PCK1: variants seen among roughly 807,000 people sequenced by gnomAD.
PCK1 encodes phosphoenolpyruvate carboxykinase 1, also known as phosphoenolpyruvate carboxykinase, cytosolic [GTP].
In PCK1, 44 loss-of-function variants were observed where a neutral mutation model predicts 50.3. The observed-to-expected ratio is 0.87, with a 90% CI of 0.69 to 1.12. The LOEUF (loss-of-function observed/expected upper bound fraction) is 1.12. Ranked by LOEUF, PCK1 falls within the 50% of genes most tolerant of loss-of-function variation. PCK1 has a pLI of 0.00. For missense variants in PCK1, 790 were observed against 815.0 expected (o/e 0.97, Z 0.37); for synonymous variants, 332 against 314.3 (o/e 1.06, Z -0.59).
rs2070159697 is a variant in PCK1 at position 57,562,765 on chromosome 20, A to C, written c.476A>C (p.Glu159Ala). 1 of 1,614,080 alleles carries C rather than the reference A, an allele frequency of 6.2e-7. No homozygotes were observed. The highest frequency in any genetic ancestry group is 1.3e-5 in the African/African-American group (1 of 75,050). The change falls in exon 4 of 10, where the codon GAG (glutamate) becomes GCG (alanine). Residue 159 changes from glutamate to alanine, a missense_variant. By Grantham distance (107) the Glu-to-Ala change is moderately radical. Transcript: ENST00000319441. ...TCGCCTCTGTCAAAGATCGGCATCG[A>C]GCTGACGGATTCACCCTACGTGGTG... Reference protein sequence around the residue: ...LGSPLSKIGIELTDSPYVVAS... With the variant: ...LGSPLSKIGIALTDSPYVVAS...
rs1449706154 is a variant in PCK1, at chr20:57,563,283, C to T, written c.798+68C>T. On this transcript the variant is annotated intron_variant, in intron 5 of 9. Coordinates refer to ENST00000319441, the MANE Select transcript of PCK1 (RefSeq NM_002591.4). ...GGGGTGGCAGAAACAAACAGCATTA[C>T]AGTTCCCACCCGTCAGCACACCTCT... 7.1e-6 allele frequency: 10 copies of T among 1,411,964 alleles called. No individual in the cohort carries two copies. The Admixed American group carries it at 1.7e-4, about 24-fold the overall frequency. 87.5% of individuals were successfully genotyped at this position (1,411,964 alleles called of 1,614,324 possible).
chr20:57,562,452 T>C, intron 3 of PCK1, 200 bp downstream of exon 3: 2 of 630,160 alleles, frequency 3.2e-6, no homozygotes, highest in Non-Finnish European at 5.5e-6. Context: ...ACGTGAAAAC[T>C]AGTTCCATGC....
rs17847706 is a variant in PCK1, at chr20:57,565,896, C to T, written c.*92C>T. On this transcript the variant is annotated 3_prime_UTR_variant, in exon 10 of 10. Transcript: ENST00000319441. ...GAGAGGGCAAGTGTTCCCAAATTGA[C>T]GCCACCATAATAATCATCACCACAC... 1.8e-4 allele frequency: 163 copies of T among 900,542 alleles called. 1 individual carries two copies. The East Asian group carries it at 4.0e-3, about 22-fold the overall frequency. 55.8% of individuals were successfully genotyped at this position (900,542 alleles called of 1,614,324 possible). A position where few individuals can be genotyped will look rare whatever the true frequency, so the allele number is the denominator to read the frequency against.
rs2146528280 is a variant in PCK1 at position 57,563,157 on chromosome 20, C to T, written c.740C>T (p.Ala247Val). 6.2e-7 allele frequency: 1 copy of T among 1,613,854 alleles called. No homozygotes were observed. Among genetic ancestry groups the T allele is most frequent in the Non-Finnish European group, 8.5e-7 (1 of 1,180,038 alleles). The change falls in exon 5 of 10, where the codon GCT becomes GTT. Residue 247 changes from alanine (A) to valine (V), a missense_variant. Transcript: ENST00000319441. Reference sequence around the variant, plus strand: ...TCGCTGCTCGGGAAGAAGTGCTTTGCTCTCAGGATGGCCAGCCGGCTGGCC... The same window carrying T: ...TCGCTGCTCGGGAAGAAGTGCTTTGTTCTCAGGATGGCCAGCCGGCTGGCC... ...GNSLLGKKCF[A>V]LRMASRLAKE...
chr20:57,561,613 CG>C lies in PCK1; in HGVS notation c.204del (p.Leu69Ter). On this transcript the variant is annotated frameshift_variant, in exon 2 of 10. Transcript: ENST00000319441. LOFTEE classifies it high-confidence loss of function. Reference protein sequence around the residue: ...GQMEEEGILRRLKKYDNCWLA... With the variant: ...GQMEEEGILRXLKKYDNCWLA... The stretch of plus-strand genomic sequence containing the variant: ...GATGGAGGAAGAGGGCATCCTCAGG[CG>C]GCTGAAGAAGTATGACAACTGGTAA... The C allele has an allele frequency of 6.2e-7, 1 of 1,612,268 alleles. No individual in the cohort carries two copies. The highest frequency in any genetic ancestry group is 2.2e-5 in the East Asian group (1 of 44,886).
In PCK1 at chr20:57,565,093, G is replaced by A. The variant is rs372883844; in HGVS notation, c.1372G>A (p.Ala458Thr). ...LSWQHGVFVGAAMRSEATAAA... is the reference protein window; with the variant it reads ...LSWQHGVFVGTAMRSEATAAA... ...CTGGCAACATGGAGTCTTTGTGGGG[G>A]CGGCCATGAGATCAGAGGCCACAGC... The change falls in exon 9 of 10, where the codon GCG (alanine) becomes ACG (threonine). Residue 458 changes from alanine to threonine, a missense_variant. Ala to Thr is a moderately conservative substitution (Grantham distance 58, BLOSUM62 0). Transcript: ENST00000319441. 1.2e-6 allele frequency: 2 copies of A among 1,614,018 alleles called. No individual in the cohort carries two copies. The highest frequency in any genetic ancestry group is 2.2e-5 in the East Asian group (1 of 44,870).
rs143952631 is a variant in PCK1 at position 57,564,545 on chromosome 20, A to T, written c.1250A>T (p.Asp417Val). Residue 417 changes from aspartate to valine, a missense_variant, in exon 8 of 10, where the codon GAT (aspartate) becomes GTT (valine). Transcript: ENST00000319441. ...CCTGCCAGCCAGTGCCCCATCATTGATGCTGCCTGGGAGTCTCCGGAAGGT... is the reference window on the plus strand; with the variant it reads ...CCTGCCAGCCAGTGCCCCATCATTGTTGCTGCCTGGGAGTCTCCGGAAGGT... ...CTPASQCPIIDAAWESPEGVP... is the reference protein window; with the variant it reads ...CTPASQCPIIVAAWESPEGVP... 3.0e-5 allele frequency: 48 copies of T among 1,613,870 alleles called. No individual in the cohort carries two copies. Among genetic ancestry groups the T allele is most frequent in the Non-Finnish European group, 4.1e-5 (48 of 1,179,868 alleles).
At chr20:57,564,969 A>G (rs2070189119) in intron 8 of PCK1, 71 bp from the exon 9 acceptor site, 1 of 1,110,362 alleles carries the variant, frequency 9.0e-7, no homozygotes, top group African/African-American at 1.6e-5. Context: ...TGTTGTGAAT[A>G]ACACCACTGG....
Position 57,566,025 on chromosome 20 carries a change from C to A in PCK1, c.*221C>A. The A allele has an allele frequency of 4.1e-6, 2 of 490,620 alleles. No homozygotes were observed. Among genetic ancestry groups the A allele is most frequent in the Non-Finnish European group, 7.2e-6 (2 of 279,430 alleles). The allele number at this position is 490,620 out of a possible 1,614,324, so 30.4% of individuals were successfully genotyped here. A position where few individuals can be genotyped will look rare whatever the true frequency, so the allele number is the denominator to read the frequency against. On this transcript the variant is annotated 3_prime_UTR_variant, in exon 10 of 10. Coordinates refer to ENST00000319441, the MANE Select transcript of PCK1 (RefSeq NM_002591.4). Reference sequence around the variant, plus strand: ...TGAGAAGGGAAATCTTAGCATGCCTCCAAAAATTCACATCCAATGCATAGT... The same window carrying A: ...TGAGAAGGGAAATCTTAGCATGCCTACAAAAATTCACATCCAATGCATAGT...
At chr20:57,564,644 A>C (rs774480123) in intron 8 of PCK1, 31 bp downstream of exon 8, 1 of 1,553,332 alleles carries the variant, frequency 6.4e-7, no homozygotes, top group Admixed American at 1.9e-5. Context: ...GGCTGGGAAC[A>C]TGGGTGTGCT....
Position 57,565,741 on chromosome 20 carries a change from C to G in PCK1, c.1806C>G (p.Ala602=). ...AGTATCTGGAGGATCAAGTCAATGC[C>G]GACCTCCCCTGTGAAATCGAGAGAG... ...IEKYLEDQVN[A]DLPCEIEREI... The change falls in exon 10 of 10, where the codon GCC becomes GCG. Residue 602 remains alanine, a synonymous_variant. Transcript: ENST00000319441. The G allele has an allele frequency of 6.2e-7, 1 of 1,613,600 alleles. No homozygotes were observed. Among genetic ancestry groups the G allele is most frequent in the Non-Finnish European group, 8.5e-7 (1 of 1,179,970 alleles).
chr20:57,561,680 G>C (rs1383265296), intron 2 of PCK1, 45 bp downstream of exon 2: 2 of 1,326,344 alleles, frequency 1.5e-6, no homozygotes, highest in Non-Finnish European at 2.2e-6. Flanking sequence ...TGCAGGCAGG[G>C]CTCCCCTGCG....
intron 1 of PCK1, 84 bp downstream of exon 1, chr20:57,561,287 G>C: frequency 1.5e-6 from 1 of 666,668 alleles, no homozygotes; most frequent in African/African-American, 1.8e-5. Context: ...ATTTGGCAAT[G>C]CACAGCCCTG....
rs771109066 is a variant in PCK1, at chr20:57,565,645, G to A, written c.1710G>A (p.Gly570=). Residue 570 remains glycine (G), a synonymous_variant, in exon 10 of 10, where the codon GGG becomes GGA. Transcript: ENST00000319441. ...KEDALNLKGL[G]HINMMELFSI... The stretch of plus-strand genomic sequence containing the variant: ...ATGCCCTGAACCTGAAAGGCCTGGG[G>A]CACATCAACATGATGGAGCTTTTCA... The A allele has an allele frequency of 1.9e-6, 3 of 1,614,002 alleles. No homozygotes were observed. The highest frequency in any genetic ancestry group is 1.7e-5 in the Admixed American group (1 of 60,014).
rs914641027 is a variant in PCK1 at position 57,565,922 on chromosome 20, C to T, written c.*118C>T. Reference sequence around the variant, plus strand: ...GCCACCATAATAATCATCACCACACCGTGAGCAGATCTGAAAGGCACACTT... The same window carrying T: ...GCCACCATAATAATCATCACCACACTGTGAGCAGATCTGAAAGGCACACTT... On this transcript the variant is annotated 3_prime_UTR_variant, in exon 10 of 10. Transcript: ENST00000319441. 17 of 725,210 alleles carry T rather than the reference C, an allele frequency of 2.3e-5. No individual in the cohort carries two copies. Among genetic ancestry groups the T allele is most frequent in the African/African-American group, 7.1e-5 (4 of 56,276 alleles). 44.9% of individuals were successfully genotyped at this position (725,210 alleles called of 1,614,324 possible).
In PCK1 at chr20:57,565,608, T is replaced by A; in HGVS notation, c.1673T>A (p.Ile558Asn). 1 of 1,614,054 alleles carries A rather than the reference T, an allele frequency of 6.2e-7. No individual in the cohort carries two copies. The highest frequency in any genetic ancestry group is 8.5e-7 in the Non-Finnish European group (1 of 1,180,016). ...ASTKLTPIGY[I>N]PKEDALNLKG... ...ACCAAGCTCACGCCCATAGGCTACA[T>A]CCCCAAGGAGGATGCCCTGAACCTG... Residue 558 changes from isoleucine (I) to asparagine (N), a missense_variant, in exon 10 of 10, where the codon ATC becomes AAC. By Grantham distance (149) the Ile-to-Asn change is moderately radical. Coordinates refer to ENST00000319441, the MANE Select transcript of PCK1 (RefSeq NM_002591.4).
chr20:57,564,832 G>A lies in PCK1; in HGVS notation c.1319-208G>A, dbSNP rs1004909350. 51 of 628,822 alleles carry A rather than the reference G, an allele frequency of 8.1e-5. No homozygotes were observed. In the Admixed American group the frequency reaches 1.2e-3, roughly 14 times the overall value. 39.0% of individuals were successfully genotyped at this position (628,822 alleles called of 1,614,324 possible). On this transcript the variant is annotated intron_variant, in intron 8 of 9. Transcript: ENST00000319441. ...CTGAATCCCTGATCTATTGTAGCTT[G>A]ATCAAATTTTACTTTTTACTTTGTG...
intron 6 of PCK1, 167 bp from the exon 7 acceptor site, chr20:57,564,002 G>A (rs150240490): frequency 7.6e-5 from 48 of 629,230 alleles, no homozygotes; most frequent in African/African-American, 2.6e-4. Context: ...AGTCGTAAAC[G>A]TATCAAAGTT....
In PCK1 at chr20:57,565,873, G is replaced by C. The variant is rs970377187; in HGVS notation, c.*69G>C. On this transcript the variant is annotated 3_prime_UTR_variant, in exon 10 of 10. Coordinates refer to ENST00000319441, the MANE Select transcript of PCK1 (RefSeq NM_002591.4). ...TCCATAAGGTGCAGTAGGAGCAAGA[G>C]AGGGCAAGTGTTCCCAAATTGACGC... 1.7e-6 allele frequency: 2 copies of C among 1,189,534 alleles called. No homozygotes were observed. Among genetic ancestry groups the C allele is most frequent in the African/African-American group, 1.5e-5 (1 of 65,190 alleles). 73.7% of individuals were successfully genotyped at this position (1,189,534 alleles called of 1,614,324 possible).
Sources: allele counts gnomAD v4.1 joint callset, GRCh38; gene constraint gnomAD v4.1.1; transcripts MANE v1.5; gene names NCBI Gene and HGNC (gene_info 2026-07-23, HGNC 2026-07-21).